Variants in CRYBG1 observed in about 807,000 individuals in gnomAD.
The protein encoded by CRYBG1 is beta/gamma crystallin domain-containing protein 1.
In CRYBG1, 139 loss-of-function variants were observed where a neutral mutation model predicts 189.2. The ratio of observed to expected loss-of-function variants is 0.73; its 90% confidence interval spans 0.64 to 0.85. The LOEUF is 0.85. Ranked by LOEUF, CRYBG1 falls within the 40% of genes least tolerant of loss-of-function variation. CRYBG1 has a pLI of 0.00. For missense variants in CRYBG1, 2,611 were observed against 2,675.8 expected, an observed-to-expected ratio of 0.98 and a Z score of 0.53; for synonymous variants, 1,023 against 1,017.1, an observed-to-expected ratio of 1.01 and a Z score of -0.11.
chr6:106,419,504 C>A (rs1771086400), intron 1 of CRYBG1, among the ~76,000 whole-genome samples: 1 of 152,126 alleles, frequency 6.6e-6, no homozygotes, highest in South Asian at 2.1e-4. Context: ...TACCTCAGCT[C>A]CCTGAGTAGC....
chr6:106,479,171 TTTATG>T (rs919591376), intron 2 of CRYBG1, among the ~76,000 whole-genome samples: 2 of 152,380 alleles, frequency 1.3e-5, no homozygotes, highest in African/African-American at 4.8e-5. Context: ...GCTACGAACA[TTTATG>T]TACAAGTTTT....
chr6:106,487,033 G>C (rs1462724411), intron 2 of CRYBG1, among the ~76,000 whole-genome samples: 5 of 151,828 alleles, frequency 3.3e-5, no homozygotes, highest in Non-Finnish European at 5.9e-5. Context: ...GTGGTTTTCT[G>C]TAGTACCAAC....
At chr6:106,490,548 T>A (rs915034773) in intron 2 of CRYBG1, among the ~76,000 whole-genome samples, 2 of 152,252 alleles carry the variant, frequency 1.3e-5, no homozygotes, top group African/African-American at 4.8e-5. Context: ...GTACATCATC[T>A]GTGACTCGTA....
chr6:106,373,194 T>C (rs1770075878), intron 1 of CRYBG1, among the ~76,000 whole-genome samples: 1 of 152,188 alleles, frequency 6.6e-6, no homozygotes, highest in Non-Finnish European at 1.5e-5. Context: ...TCATATGCCT[T>C]ATAAAGTTAA....
chr6:106,517,315 C>CATATATAT lies in CRYBG1; in HGVS notation c.1923-1815_1923-1814insTATATATA, dbSNP rs111258799. ...ATACATATATATATACACACACACA[C>CATATATAT]ACATATATATATACACATATATATA... is the stretch of plus-strand genomic sequence containing the variant. On this transcript the variant is annotated intron_variant, in intron 3 of 21. Coordinates refer to ENST00000633556, the MANE Select transcript of CRYBG1 (RefSeq NM_001371242.2). 5.5e-3 allele frequency among the ~76,000 whole-genome samples: 750 copies of CATATATAT among 136,472 alleles called. 16 individuals are homozygous for CATATATAT. Among genetic ancestry groups the CATATATAT allele is most frequent in the African/African-American group, 0.02 (686 of 33,826 alleles). 89.5% of individuals were successfully genotyped at this position (136,472 alleles called of 152,430 possible).
chr6:106,409,027 A>G (rs1055497688), intron 1 of CRYBG1, among the ~76,000 whole-genome samples: 3 of 151,032 alleles, frequency 2.0e-5, no homozygotes, highest in Non-Finnish European at 2.9e-5. Context: ...GGCCAGGGTA[A>G]TCAGGCAAGA....
At chr6:106,459,545 GT>G (rs35095662) in intron 2 of CRYBG1, among the ~76,000 whole-genome samples, 17,631 of 138,840 alleles carry the variant, frequency 0.13, 1,291 homozygotes, top group South Asian at 0.27. Context: ...CCATTTGTGG[GT>G]TTTTTTTTTT....
intron 1 of CRYBG1, among the ~76,000 whole-genome samples, chr6:106,425,172 C>A (rs1419795240): frequency 6.6e-6 from 1 of 152,172 alleles, no homozygotes; most frequent in Non-Finnish European, 1.5e-5. Context: ...CTTGGGAATA[C>A]ATGCCATCTT....
intron 2 of CRYBG1, among the ~76,000 whole-genome samples, chr6:106,494,184 AG>A (rs1418759830): frequency 6.6e-6 from 1 of 151,456 alleles, no homozygotes; most frequent in Non-Finnish European, 1.5e-5. Flanking sequence ...TCAAACTCAG[AG>A]TCAGAAAGTA....
chr6:106,481,153 T>A (rs1369741358), intron 2 of CRYBG1, among the ~76,000 whole-genome samples: 2 of 104,856 alleles, frequency 1.9e-5, no homozygotes, highest in African/African-American at 8.2e-5. Context: ...TTTTTGTATT[T>A]TTAGTAGAGA....
chr6:106,405,442 C>T (rs530563441), intron 1 of CRYBG1, among the ~76,000 whole-genome samples: 3 of 152,296 alleles, frequency 2.0e-5, no homozygotes, highest in African/African-American at 4.8e-5. Flanking sequence ...GGGGAAGGGG[C>T]GGCTGTGGGC....
chr6:106,398,252 C>T (rs1770650315), intron 1 of CRYBG1, among the ~76,000 whole-genome samples: 1 of 151,998 alleles, frequency 6.6e-6, no homozygotes, highest in African/African-American at 2.4e-5. Context: ...CGTTGGCTCA[C>T]GCCTGTAATC....
rs987816306 is a variant in CRYBG1 at position 106,569,690 on chromosome 6, A to AACTC, written c.*1126_*1129dup. The stretch of plus-strand genomic sequence containing the variant: ...AGCAATGTTACATACTTTTTTGCTA[A>AACTC]ACTCAGATTTTTTAGCCTAATTTCT... On this transcript the variant is annotated 3_prime_UTR_variant, in exon 22 of 22. Transcript: ENST00000633556. The AACTC allele has an allele frequency of 2.6e-5, 4 of 152,078 alleles. No homozygotes were observed. Among genetic ancestry groups the AACTC allele is most frequent in the African/African-American group, 9.7e-5 (4 of 41,404 alleles). The allele number at this position is 152,078 out of a possible 1,614,324, so 9.4% of individuals were successfully genotyped here. A position where few individuals can be genotyped will look rare whatever the true frequency, so the allele number is the denominator to read the frequency against.
intron 1 of CRYBG1, among the ~76,000 whole-genome samples, chr6:106,446,104 A>T (rs1412635742): frequency 2.0e-5 from 3 of 152,210 alleles, no homozygotes; most frequent in African/African-American, 7.2e-5. Context: ...ATCACCAGGG[A>T]CTTTTTCAGG....
At chr6:106,464,491 T>TTA (rs1420210197) in intron 2 of CRYBG1, among the ~76,000 whole-genome samples, 2 of 48,496 alleles carry the variant, frequency 4.1e-5, no homozygotes, top group South Asian at 1.7e-3. Context: ...AGACTTTGTC[T>TTA]CAAAAAAAAA....
chr6:106,451,768 A>G lies in CRYBG1; in HGVS notation c.248A>G (p.Gln83Arg), dbSNP rs1410988666. Reference sequence around the variant, plus strand: ...TTTCCACTGCACTGTGGGGAATCCCAGTTCTTCCACACCACCAGTGAGGCG... The same window carrying G: ...TTTCCACTGCACTGTGGGGAATCCCGGTTCTTCCACACCACCAGTGAGGCG... The part of the protein sequence containing the change: ...QEFPLHCGES[Q>R]FFHTTSEALG... Residue 83 changes from glutamine (Q) to arginine (R), a missense_variant, in exon 2 of 22, where the codon CAG becomes CGG. Physicochemically the swap from Gln to Arg is conservative, Grantham distance 43. Around this residue, in one of 3 missense-constraint regions of CRYBG1, gnomAD observed 985 missense variants for 924.4 expected, o/e 1.07. Coordinates refer to ENST00000633556, the MANE Select transcript of CRYBG1 (RefSeq NM_001371242.2). 6.5e-7 allele frequency: 1 copy of G among 1,534,810 alleles called. No homozygotes were observed. Among genetic ancestry groups the G allele is most frequent in the African/African-American group, 1.4e-5 (1 of 73,012 alleles).
intron 20 of CRYBG1, among the ~76,000 whole-genome samples, chr6:106,562,644 G>A (rs1043537342): frequency 1.3e-5 from 2 of 151,712 alleles, no homozygotes; most frequent in Admixed American, 6.6e-5. Context: ...GTGCCACCAC[G>A]CCCAGCTAAC....
At chr6:106,526,732 A>C (rs1773745600) in intron 6 of CRYBG1, among the ~76,000 whole-genome samples, 1 of 152,034 alleles carries the variant, frequency 6.6e-6, no homozygotes, top group African/African-American at 2.4e-5. Flanking sequence ...ACTTGAGGCC[A>C]GGAGTTCGAG....
chr6:106,466,660 T>G (rs1338844173), intron 2 of CRYBG1, among the ~76,000 whole-genome samples: 1 of 152,226 alleles, frequency 6.6e-6, no homozygotes, highest in Non-Finnish European at 1.5e-5. Flanking sequence ...TGTATTTAGT[T>G]GCATTTAATA....
Sources: allele counts gnomAD v4.1 joint callset (sites outside exome capture counted in the v4.1 genomes callset), GRCh38; gene constraint gnomAD v4.1.1; regional missense constraint gnomAD v4.1.1; transcripts MANE v1.5; gene names NCBI Gene and HGNC (gene_info 2026-07-23, HGNC 2026-07-21).